Variants in ARMC2 observed in about 807,000 individuals in gnomAD.
ARMC2 encodes armadillo repeat containing 2.
In ARMC2, 67 loss-of-function variants were observed where a neutral mutation model predicts 90.3. The ratio of observed to expected loss-of-function variants is 0.74; its 90% CI spans 0.61 to 0.91. ARMC2 has a LOEUF of 0.91. Ranked by LOEUF, ARMC2 falls within the 40% of genes least tolerant of loss-of-function variation. ARMC2 has a pLI of 0.00. For synonymous variants in ARMC2, 393 were observed against 393.0 expected (o/e 1.00, Z 0.00); for missense variants, 920 against 1,030.9 (o/e 0.89, Z 1.47).
At chr6:108,944,665 T>C (rs1776678386) in intron 12 of ARMC2, among the ~76,000 whole-genome samples, 2 of 152,336 alleles carry the variant, frequency 1.3e-5, no homozygotes, top group Middle Eastern at 6.8e-3. Context: ...TATACCCATA[T>C]CTAAATGTTG....
chr6:109,006,890 C>A, the ARMC2 span, among the ~76,000 whole-genome samples: 2 of 152,200 alleles, frequency 1.3e-5, no homozygotes, highest in Non-Finnish European at 2.9e-5. Flanking sequence ...ATTCCTTCAT[C>A]TGTAGCTGTA....
At chr6:109,028,416 G>T in the ARMC2 span, among the ~76,000 whole-genome samples, 3 of 152,084 alleles carry the variant, frequency 2.0e-5, no homozygotes. Context: ...ATTTGTTGTT[G>T]TTGTTATCAC....
chr6:108,982,217 A>G, the ARMC2 span, among the ~76,000 whole-genome samples: 2 of 152,250 alleles, frequency 1.3e-5, no homozygotes, highest in South Asian at 2.1e-4. Context: ...TGACTTAACA[A>G]AAGTTCATTC....
At chr6:109,027,347 T>G in the ARMC2 span, among the ~76,000 whole-genome samples, 1 of 150,950 alleles carries the variant, frequency 6.6e-6, no homozygotes, top group Non-Finnish European at 1.5e-5. Context: ...CTTGGTGGCA[T>G]GTGCCTGTAA....
rs147377401 is a variant in ARMC2 at position 108,953,294 on chromosome 6, G to A, written c.1858G>A (p.Val620Met). The change falls in exon 13 of 18, where the codon GTG becomes ATG. Residue 620 changes from valine (V) to methionine (M), a missense_variant. Val to Met is a conservative substitution (Grantham distance 21). Transcript: ENST00000392644. ...GGCCAACATTGCCATCCACCCGGGC[G>A]TGGGCCCGGTGCTGGCCGCCAACCC... ...VLANIAIHPG[V>M]GPVLAANPGI... 573 of 1,611,354 alleles carry A rather than the reference G, an allele frequency of 3.6e-4. 2 individuals are homozygous for A. Among genetic ancestry groups the A allele is most frequent in the Middle Eastern group, 1.7e-3 (10 of 6,058 alleles).
At chr6:108,989,426 T>C in the ARMC2 span, among the ~76,000 whole-genome samples, 2 of 151,562 alleles carry the variant, frequency 1.3e-5, no homozygotes, top group Non-Finnish European at 2.9e-5. Flanking sequence ...GATCTAGAGA[T>C]ATATATCTAG....
At chr6:108,891,003 G>A (rs927846708) in intron 5 of ARMC2, among the ~76,000 whole-genome samples, 3 of 149,970 alleles carry the variant, frequency 2.0e-5, no homozygotes, top group African/African-American at 7.4e-5. Context: ...AGAACATGCA[G>A]TGTTTGGTTT....
chr6:108,982,189 CAA>C, the ARMC2 span, among the ~76,000 whole-genome samples: 2 of 152,094 alleles, frequency 1.3e-5, no homozygotes, highest in South Asian at 2.1e-4. Context: ...GCTGAGATAA[CAA>C]AAAATATAGT....
the ARMC2 span, among the ~76,000 whole-genome samples, chr6:108,989,575 A>G: frequency 7.5e-6 from 1 of 134,040 alleles, no homozygotes; most frequent in Non-Finnish European, 1.6e-5. Flanking sequence ...ATCTAGAGAT[A>G]TCTATATATA....
Position 108,870,497 on chromosome 6 carries a change from AAGAG to A in ARMC2, c.463+1510_463+1513del, listed in dbSNP as rs918863661. ...TTAGAATAAAGGAGAAAAAGAAAGA[AAGAG>A]AGAGAGAAAGAGAGAGACAGAAAGA... On this transcript the variant is annotated intron_variant, in intron 4 of 17. Transcript: ENST00000392644. Among the ~76,000 whole-genome samples, 19 of 149,586 alleles carry A rather than the reference AAGAG, an allele frequency of 1.3e-4. No individual in the cohort carries two copies. In the South Asian group the frequency reaches 1.7e-3, roughly 13 times the overall value.
chr6:108,974,451 T>G lies in ARMC2; in HGVS notation c.*937T>G, dbSNP rs967038782. ...CATCCTTTGTAGGATGAGTTTGGCC[T>G]TTGAATAAATGATTAAAGAGCAAAA... On this transcript the variant is annotated 3_prime_UTR_variant, in exon 18 of 18. Coordinates refer to ENST00000392644, the MANE Select transcript of ARMC2 (RefSeq NM_032131.6). 5 of 152,214 alleles carry G rather than the reference T, an allele frequency of 3.3e-5. No homozygotes were observed. The highest frequency in any genetic ancestry group is 1.2e-4 in the African/African-American group (5 of 41,442). The allele number at this position is 152,214 out of a possible 1,614,324, so 9.4% of individuals were successfully genotyped here. A position where few individuals can be genotyped will look rare whatever the true frequency, so the allele number is the denominator to read the frequency against.
intron 2 of ARMC2, among the ~76,000 whole-genome samples, chr6:108,857,474 C>T (rs59521707): frequency 3.4e-4 from 52 of 152,184 alleles, no homozygotes; most frequent in African/African-American, 9.4e-4. Flanking sequence ...TTGTTTCTTC[C>T]GTCCCAATCT....
At chr6:108,852,956 T>C (rs923132674) in intron 1 of ARMC2, among the ~76,000 whole-genome samples, 2 of 152,168 alleles carry the variant, frequency 1.3e-5, no homozygotes, top group Non-Finnish European at 2.9e-5. Flanking sequence ...TTTAAATAAT[T>C]ATGATTGAAT....
chr6:108,953,435 A>G, intron 13 of ARMC2, 84 bp downstream of exon 13: 1 of 1,374,316 alleles, frequency 7.3e-7, no homozygotes, highest in Non-Finnish European at 9.7e-7. Context: ...TGGTGTGATG[A>G]GGATTTTATT....
the ARMC2 span, chr6:109,008,810 A>G: frequency 7.1e-6 from 7 of 985,538 alleles, no homozygotes; most frequent in Non-Finnish European, 8.4e-6. Context: ...AACGCTGTGC[A>G]TAACGTCATA....
Position 108,876,231 on chromosome 6 carries a change from T to C in ARMC2, c.552T>C (p.Ala184=), listed in dbSNP as rs1205309374. 1 of 1,613,102 alleles carries C rather than the reference T, an allele frequency of 6.2e-7. No homozygotes were observed. Among genetic ancestry groups the C allele is most frequent in the East Asian group, 2.2e-5 (1 of 44,824 alleles). The part of the protein sequence containing the change: ...INGIYLTKSN[A]ICHLKSHPLQ... ...GGATTTATTTAACAAAATCAAATGCTATTTGCCACTTAAAGAGTCACCCAC... is the reference window on the plus strand; with the variant it reads ...GGATTTATTTAACAAAATCAAATGCCATTTGCCACTTAAAGAGTCACCCAC... Residue 184 remains alanine, a synonymous_variant, in exon 5 of 18, where the codon GCT becomes GCC. Coordinates refer to ENST00000392644, the MANE Select transcript of ARMC2 (RefSeq NM_032131.6).
the ARMC2 span, among the ~76,000 whole-genome samples, chr6:109,015,322 TCTC>T: frequency 6.6e-6 from 1 of 152,124 alleles, no homozygotes; most frequent in Admixed American, 6.5e-5. Flanking sequence ...CTGTGACTGC[TCTC>T]CTGCACTACC....
At chr6:108,993,998 G>A in the ARMC2 span, among the ~76,000 whole-genome samples, 6 of 152,074 alleles carry the variant, frequency 3.9e-5, no homozygotes, top group African/African-American at 1.4e-4. Context: ...AAATTAAGCA[G>A]GCATGGTGGC....
At chr6:108,943,197 C>T (rs1776579257) in intron 12 of ARMC2, among the ~76,000 whole-genome samples, 1 of 152,124 alleles carries the variant, frequency 6.6e-6, no homozygotes, top group Non-Finnish European at 1.5e-5. Flanking sequence ...ATTATTTTTA[C>T]ATTCTTTTTC....
Sources: gnomAD v4.1 joint callset for allele counts (sites outside exome capture counted in the v4.1 genomes callset) on GRCh38, gnomAD v4.1.1 for gene constraint, MANE v1.5 for transcripts, NCBI Gene and HGNC (gene_info 2026-07-23, HGNC 2026-07-21) for gene names.